Variants in HPS4 observed in about 807,000 individuals in gnomAD.
The protein encoded by HPS4 is HPS4 biogenesis of lysosomal organelles complex 3 subunit 2, also known as BLOC-3 complex member HPS4.
A neutral mutation model predicts 70.3 loss-of-function variants in HPS4; 44 were observed. The observed-to-expected ratio is 0.63, with a 90% CI of 0.49 to 0.80. HPS4 has a LOEUF of 0.80. Ranked by LOEUF, HPS4 falls within the 30% of genes least tolerant of loss-of-function variation. The probability of loss-of-function intolerance (pLI) is 0.00; values close to 1 mark genes in which losing one functional copy is unlikely to be tolerated. For missense variants in HPS4, 873 were observed against 884.4 expected, an observed-to-expected ratio of 0.99 and a Z score of 0.16; for synonymous variants, 377 against 355.9, an observed-to-expected ratio of 1.06 and a Z score of -0.67.
rs1463452127 is a variant in HPS4, at chr22:26,464,671, T to C, written c.959A>G (p.Asp320Gly). 6.2e-7 allele frequency: 1 copy of C among 1,611,702 alleles called. No individual in the cohort carries two copies. Among genetic ancestry groups the C allele is most frequent in the Admixed American group, 1.7e-5 (1 of 59,972 alleles). ...DPTSPDEACP[D>G]GRKENGCLSG... ...CAAGCATCCGTTCTCCTTCCTGCCA[T>C]CTGGACAAGCTTCGTCAGGGGATGT... Residue 320 changes from aspartate (D) to glycine (G), a missense_variant, in exon 11 of 14, where the codon GAT (aspartate) becomes GGT (glycine). Asp to Gly is a moderately conservative substitution (Grantham distance 94). Coordinates refer to ENST00000398145, the MANE Select transcript of HPS4 (RefSeq NM_022081.6).
At chr22:26,479,623 G>C in intron 2 of HPS4, 1 of 1,323,214 alleles carries the variant, frequency 7.6e-7, no homozygotes, top group Non-Finnish European at 9.6e-7. Context: ...AAAACGAGGC[G>C]CCCACAATGA....
chr22:26,443,286 G>A (rs1218700669), downstream of HPS4: 10 of 1,212,904 alleles, frequency 8.2e-6, no homozygotes, highest in Non-Finnish European at 1.2e-5. Flanking sequence ...GTCCCTACCG[G>A]TGTTGTTTCC....
intron 12 of HPS4, 98 bp downstream of exon 12, chr22:26,458,347 C>A: frequency 3.4e-6 from 5 of 1,474,388 alleles, no homozygotes; most frequent in Non-Finnish European, 4.7e-6. Context: ...CAACTCTGTG[C>A]ACAGCCGTGT....
chr22:26,445,046 A>C (rs1375899466), intron 3 of HPS4: 1 of 152,234 alleles, frequency 6.6e-6, no homozygotes, highest in Non-Finnish European at 1.5e-5. Flanking sequence ...GTTGTAAAGA[A>C]AGACTTAGGC....
intron 13 of HPS4, among the ~76,000 whole-genome samples, chr22:26,454,686 C>A (rs2146274491): frequency 6.6e-6 from 1 of 152,160 alleles, no homozygotes; most frequent in South Asian, 2.1e-4. Flanking sequence ...GACTTCACAT[C>A]TAAAACACCA....
chr22:26,453,471 C>A, intron 13 of HPS4, 67 bp from the exon 14 acceptor site: 1 of 1,560,610 alleles, frequency 6.4e-7, no homozygotes, highest in Non-Finnish European at 8.8e-7. Flanking sequence ...ACACAGAGAC[C>A]TCAGTAAGGT....
In HPS4 at chr22:26,464,528, C is replaced by A. The variant is rs376253108; in HGVS notation, c.1102G>T (p.Asp368Tyr). ...TCTGGAATGTGGATTTCAGACAAGT[C>A]GAGTTCTTCTTGGAGAAAGACTAGT... ...KELVFLQEEL[D>Y]LSEIHIPEAQ... Residue 368 changes from aspartate (D) to tyrosine (Y), a missense_variant, in exon 11 of 14, where the codon GAC (aspartate) becomes TAC (tyrosine). Asp to Tyr is a radical substitution (Grantham distance 160, BLOSUM62 -3). Coordinates refer to ENST00000398145, the MANE Select transcript of HPS4 (RefSeq NM_022081.6). The A allele has an allele frequency of 4.3e-6, 7 of 1,614,038 alleles. No individual in the cohort carries two copies. The highest frequency in any genetic ancestry group is 5.9e-6 in the Non-Finnish European group (7 of 1,180,040).
In HPS4 at chr22:26,451,977, GCCCA is replaced by G. The variant is rs2085248417; in HGVS notation, c.*1252_*1255del. The G allele has an allele frequency of 1.7e-5, 3 of 176,922 alleles. No individual in the cohort carries two copies. The Admixed American group carries it at 1.9e-4, about 11-fold the overall frequency. The allele number at this position is 176,922 out of a possible 1,614,324, so 11.0% of individuals were successfully genotyped here. A position where few individuals can be genotyped will look rare whatever the true frequency, so the allele number is the denominator to read the frequency against. The stretch of plus-strand genomic sequence containing the variant: ...ACCCAGGGAAGGAAAAGAGGGATGC[GCCCA>G]CGTTACGCGCGCGCGCGCGCGCGCA... On this transcript the variant is annotated 3_prime_UTR_variant, in exon 14 of 14. Coordinates refer to ENST00000398145, the MANE Select transcript of HPS4 (RefSeq NM_022081.6).
In HPS4 at chr22:26,465,535, C is replaced by T. The variant is rs199745804; in HGVS notation, c.723G>A (p.Pro241=). The stretch of plus-strand genomic sequence containing the variant: ...CAAAAACAGGGATAATCTGGACATT[C>T]GGGGGCAATGCCGCTCCTGGAATTG... The part of the protein sequence containing the change: ...APQEHGAALP[P]NVQIIPVFVT... Residue 241 remains proline, a synonymous_variant, in exon 10 of 14, where the codon CCG becomes CCA. Transcript: ENST00000398145. The T allele has an allele frequency of 2.5e-5, 41 of 1,613,986 alleles. No homozygotes were observed. Among genetic ancestry groups the T allele is most frequent in the South Asian group, 1.3e-4 (12 of 91,076 alleles).
chr22:26,456,284 C>A (rs2086123192), intron 13 of HPS4, among the ~76,000 whole-genome samples: 1 of 152,152 alleles, frequency 6.6e-6, no homozygotes, highest in Non-Finnish European at 1.5e-5. Context: ...CCTGGCCCTG[C>A]CACTTAAGAA....
At chr22:26,448,612 G>A (rs907789930), downstream of HPS4, among the ~76,000 whole-genome samples, 3 of 152,098 alleles carry the variant, frequency 2.0e-5, no homozygotes, top group East Asian at 1.9e-4. Flanking sequence ...GCAACTTTTC[G>A]GCTTATACCT....
In HPS4 at chr22:26,464,745, T is replaced by C. The variant is rs759660620; in HGVS notation, c.885A>G (p.Glu295=). 23 of 1,590,464 alleles carry C rather than the reference T, an allele frequency of 1.4e-5. No individual in the cohort carries two copies. Among genetic ancestry groups the C allele is most frequent in the Non-Finnish European group, 2.0e-5 (23 of 1,167,296 alleles). The change falls in exon 11 of 14, where the codon GAA becomes GAG. Residue 295 remains glutamate (E), a synonymous_variant. Coordinates refer to ENST00000398145, the MANE Select transcript of HPS4 (RefSeq NM_022081.6). ...PKGGSTSALK[E]NATGHVESMA... ...TGGATTCCACATGGCCAGTGGCGTT[T>C]TCTTTCAGGGCAGATGTGCTCCCAC... is the stretch of plus-strand genomic sequence containing the variant.
At chr22:26,481,681 A>T in intron 2 of HPS4, 41 bp downstream of exon 2, 1 of 1,598,320 alleles carries the variant, frequency 6.3e-7, no homozygotes, top group Non-Finnish European at 8.6e-7. Flanking sequence ...TCTAACCAAC[A>T]GCCCAGCAAA....
Position 26,453,082 on chromosome 22 carries a change from C to G in HPS4, c.*151G>C, listed in dbSNP as rs1457016761. On this transcript the variant is annotated 3_prime_UTR_variant, in exon 14 of 14. Coordinates refer to ENST00000398145, the MANE Select transcript of HPS4 (RefSeq NM_022081.6). The stretch of plus-strand genomic sequence containing the variant: ...CCCTGCCCCCAAAACACATCCCAAT[C>G]TGCAAAAGGAATAACAAAAACTCAA... 8 of 851,362 alleles carry G rather than the reference C, an allele frequency of 9.4e-6. No individual in the cohort carries two copies. The East Asian group carries it at 1.7e-4, about 18-fold the overall frequency. The allele number at this position is 851,362 out of a possible 1,614,324, so 52.7% of individuals were successfully genotyped here.
At chr22:26,476,592 C>A (rs555141561) in intron 4 of HPS4, 165 of 171,094 alleles carry the variant, frequency 9.6e-4, no homozygotes, top group African/African-American at 4.1e-3. Context: ...AAGCAATATT[C>A]TTTTTTTTTT....
intron 5 of HPS4, 60 bp from the exon 6 acceptor site, chr22:26,472,478 A>G: frequency 9.0e-7 from 1 of 1,113,558 alleles, no homozygotes; most frequent in Non-Finnish European, 1.4e-6. Context: ...TTCTTTGGCC[A>G]GAGTCCCAAC....
At chr22:26,453,511 T>A (rs1028097963) in intron 13 of HPS4, 107 bp from the exon 14 acceptor site, 4 of 1,175,108 alleles carry the variant, frequency 3.4e-6, no homozygotes, top group Admixed American at 3.6e-5. Flanking sequence ...GGACACCCAA[T>A]GTGGCATGTG....
rs1301355059 is a variant in HPS4 at position 26,469,210 on chromosome 22, G to A, written c.597-587C>T. Among the ~76,000 whole-genome samples, 3 of 148,914 alleles carry A rather than the reference G, an allele frequency of 2.0e-5. No homozygotes were observed. The East Asian group carries it at 5.9e-4, about 29-fold the overall frequency. Reference sequence around the variant, plus strand: ...TCCTGCAATCACAGCACTTTGGGAGGCTGAGGTGGGAGAATAACTTGAGCT... The same window carrying A: ...TCCTGCAATCACAGCACTTTGGGAGACTGAGGTGGGAGAATAACTTGAGCT... On this transcript the variant is annotated intron_variant, in intron 7 of 13. Transcript: ENST00000398145.
intron 13 of HPS4, among the ~76,000 whole-genome samples, chr22:26,456,409 C>T (rs1197955719): frequency 6.6e-6 from 1 of 152,174 alleles, no homozygotes; most frequent in African/African-American, 2.4e-5. Flanking sequence ...GCCTGTAATC[C>T]CAGCACTTTG....
Sources: allele counts gnomAD v4.1 joint callset (sites outside exome capture counted in the v4.1 genomes callset), GRCh38; gene constraint gnomAD v4.1.1; transcripts MANE v1.5; gene names NCBI Gene and HGNC (gene_info 2026-07-23, HGNC 2026-07-21).